PHYKPL: variants seen among roughly 807,000 people sequenced by gnomAD.
PHYKPL encodes 5-phosphonooxy-L-lysine phospho-lyase.
Under a neutral mutation model 51.3 loss-of-function variants are expected in PHYKPL, and 42 were observed. That is an observed-to-expected ratio of 0.82 (90% confidence interval 0.64 to 1.06). The LOEUF (loss-of-function observed/expected upper bound fraction) is 1.06. Among genes scored for constraint, PHYKPL ranks in the 50% least tolerant of loss-of-function variants. PHYKPL has a pLI of 0.00. For synonymous variants in PHYKPL, 264 were observed against 236.0 expected, an observed-to-expected ratio of 1.12 and a Z score of -1.09; for missense variants, 655 against 586.6, an observed-to-expected ratio of 1.12 and a Z score of -1.20.
In PHYKPL at chr5:178,226,906, T is replaced by G. The variant is rs1290939249; in HGVS notation, c.339-1477A>C. Among the ~76,000 whole-genome samples, 52 of 151,390 alleles carry G rather than the reference T, an allele frequency of 3.4e-4. 1 individual carries two copies. The highest frequency in any genetic ancestry group is 3.4e-3 in the Admixed American group (52 of 15,258). On this transcript the variant is annotated intron_variant, in intron 3 of 12. Transcript: ENST00000308158. ...ATGAATGCGTGTGTTTGTATATATG[T>G]GTGTCTGTGTATTTATATATATATG...
intron 8 of PHYKPL, among the ~76,000 whole-genome samples, chr5:178,218,000 G>A (rs1395569826): frequency 3.3e-5 from 5 of 149,556 alleles, no homozygotes; most frequent in Middle Eastern, 3.2e-3. Flanking sequence ...GGCGGATCAC[G>A]AGGTCAGGAG....
chr5:178,211,763 T>G, intron 12 of PHYKPL, 127 bp downstream of exon 12: 1 of 642,792 alleles, frequency 1.6e-6, no homozygotes, highest in Non-Finnish European at 2.7e-6. Flanking sequence ...AAACTAACCT[T>G]TGGGAAGGAG....
At position 178,213,059 on chromosome 5, in the gene PHYKPL, C is replaced by T. The variant is rs1264516361; in HGVS notation, c.1217G>A (p.Arg406Lys). ...YVLLSTDGPGRNILKFKPPMC... is the reference protein window; with the variant it reads ...YVLLSTDGPGKNILKFKPPMC... The stretch of plus-strand genomic sequence containing the variant: ...TGGGGGCTTAAACTTCAGGATGTTC[C>T]TCCCAGGGCCATCAGTGCTCAGCAA... Residue 406 changes from arginine (R) to lysine (K), a missense_variant, in exon 11 of 13, where the codon AGG becomes AAG. Transcript: ENST00000308158. The T allele has an allele frequency of 6.2e-7, 1 of 1,614,126 alleles. No homozygotes were observed. The highest frequency in any genetic ancestry group is 8.5e-7 in the Non-Finnish European group (1 of 1,180,038).
chr5:178,210,440 A>G (rs142985861), intron 12 of PHYKPL: 2 of 1,509,184 alleles, frequency 1.3e-6, no homozygotes, highest in Non-Finnish European at 1.8e-6. Flanking sequence ...TAACATGAGG[A>G]AGGCAGTCTC....
chr5:178,223,166 C>G (rs1174532878), intron 6 of PHYKPL, among the ~76,000 whole-genome samples: 1 of 152,180 alleles, frequency 6.6e-6, no homozygotes, highest in African/African-American at 2.4e-5. Context: ...ATGCCCCAAA[C>G]TACATGCACT....
chr5:178,215,142 T>G, intron 9 of PHYKPL, 134 bp downstream of exon 9: 1 of 1,435,320 alleles, frequency 7.0e-7, no homozygotes, highest in Non-Finnish European at 9.6e-7. Context: ...TTTTGGGCAA[T>G]AGCACCTCTC....
chr5:178,232,367 C>T, intron 1 of PHYKPL, 125 bp downstream of exon 1: 1 of 1,297,568 alleles, frequency 7.7e-7, no homozygotes, highest in Non-Finnish European at 9.7e-7. Flanking sequence ...AGCGGCCGGA[C>T]GGGATGGGTA....
chr5:178,215,527 GC>G, intron 8 of PHYKPL, 97 bp from the exon 9 acceptor site: 1 of 1,425,802 alleles, frequency 7.0e-7, no homozygotes, highest in Non-Finnish European at 9.4e-7. Context: ...GTGTTCCAAG[GC>G]CAGTGGCAAG....
At chr5:178,231,836 C>G (rs1191204721) in intron 1 of PHYKPL, 2 of 1,356,196 alleles carry the variant, frequency 1.5e-6, no homozygotes, top group East Asian at 4.5e-5. Context: ...GTGGCTGCCC[C>G]GTCCCATGGG....
At chr5:178,228,446 C>T in intron 3 of PHYKPL, 4 of 672,812 alleles carry the variant, frequency 5.9e-6, no homozygotes, top group Admixed American at 2.3e-5. Context: ...GGAATCCACA[C>T]AGAATAAAGC....
intron 1 of PHYKPL, chr5:178,231,949 C>T: frequency 2.4e-6 from 3 of 1,244,934 alleles, no homozygotes; most frequent in Admixed American, 2.7e-5. Flanking sequence ...CGTGGCCCTG[C>T]TGCCCCTCGC....
At chr5:178,229,367 C>A (rs1280604974) in intron 3 of PHYKPL, among the ~76,000 whole-genome samples, 1 of 152,162 alleles carries the variant, frequency 6.6e-6, no homozygotes, top group African/African-American at 2.4e-5. Context: ...CTCGATCTCC[C>A]GAAGTGCTGG....
At chr5:178,212,065 G>C in intron 11 of PHYKPL, 95 bp from the exon 12 acceptor site, 1 of 1,359,310 alleles carries the variant, frequency 7.4e-7, no homozygotes, top group Non-Finnish European at 1.0e-6. Context: ...ACAGTTTAGA[G>C]ATTGGGCCCT....
At chr5:178,220,535 C>T (rs1760949284) in intron 8 of PHYKPL, among the ~76,000 whole-genome samples, 1 of 152,048 alleles carries the variant, frequency 6.6e-6, no homozygotes, top group South Asian at 2.1e-4. Context: ...ACTATATACA[C>T]TACTGGTGGG....
chr5:178,214,477 C>G (rs1368548357), intron 10 of PHYKPL, among the ~76,000 whole-genome samples: 1 of 152,156 alleles, frequency 6.6e-6, no homozygotes, highest in Non-Finnish European at 1.5e-5. Context: ...TTAGGGGTTC[C>G]TGGGTCTGAG....
At chr5:178,211,834 C>CTGA (rs1454599632) in intron 12 of PHYKPL, 56 bp downstream of exon 12, 37 of 1,305,448 alleles carry the variant, frequency 2.8e-5, no homozygotes, top group Non-Finnish European at 4.1e-5. Flanking sequence ...CTGCTTGCTG[C>CTGA]TGATGGTAAG....
At chr5:178,220,579 G>A (rs1206643250) in intron 8 of PHYKPL, among the ~76,000 whole-genome samples, 3 of 152,116 alleles carry the variant, frequency 2.0e-5, no homozygotes, top group African/African-American at 7.2e-5. Context: ...GAAAACAAAT[G>A]TCATTATCTT....
At chr5:178,224,025 G>A in intron 6 of PHYKPL, 2 of 186,764 alleles carry the variant, frequency 1.1e-5, no homozygotes, top group South Asian at 2.2e-4. Context: ...GGGCCTCCAG[G>A]GCAGAACTGC....
intron 8 of PHYKPL, 127 bp from the exon 9 acceptor site, chr5:178,215,557 CT>C: frequency 8.7e-7 from 1 of 1,153,592 alleles, no homozygotes. Context: ...CCCCAAACCC[CT>C]TAGGGCGCAC....
Sources: allele counts gnomAD v4.1 joint callset (sites outside exome capture counted in the v4.1 genomes callset), GRCh38; gene constraint gnomAD v4.1.1; transcripts MANE v1.5; gene names NCBI Gene and HGNC (gene_info 2026-07-23, HGNC 2026-07-21).